Variants in CNTNAP2 observed in about 807,000 individuals in gnomAD.
CNTNAP2 encodes contactin associated protein 2.
Under a neutral mutation model 155.2 loss-of-function variants are expected in CNTNAP2, and 98 were observed. The observed-to-expected ratio is 0.63, with a 90% CI of 0.54 to 0.75. The LOEUF (loss-of-function observed/expected upper bound fraction) is 0.75, where lower values mean the gene tolerates loss of function less well. Ranked by LOEUF, CNTNAP2 falls within the 30% of genes least tolerant of loss-of-function variation. The probability of loss-of-function intolerance (pLI) is 0.00; values close to 1 mark genes in which losing one functional copy is unlikely to be tolerated. For synonymous variants in CNTNAP2, 651 were observed against 631.2 expected (o/e 1.03, Z -0.47); for missense variants, 1,727 against 1,688.1 (o/e 1.02, Z -0.40).
intron 1 of CNTNAP2, among the ~76,000 whole-genome samples, chr7:146,688,325 A>T (rs1336478751): frequency 2.6e-5 from 4 of 152,126 alleles, no homozygotes; most frequent in Admixed American, 2.6e-4. Context: ...TCATCATGTT[A>T]TCACATACTG....
chr7:148,101,495 T>G (rs1182869349), intron 15 of CNTNAP2, among the ~76,000 whole-genome samples: 5 of 151,950 alleles, frequency 3.3e-5, no homozygotes, highest in African/African-American at 1.2e-4. Flanking sequence ...CACTTGAAAT[T>G]TATTCCCCTG....
chr7:148,161,833 G>A (rs1805550099), intron 17 of CNTNAP2, among the ~76,000 whole-genome samples: 1 of 152,170 alleles, frequency 6.6e-6, no homozygotes, highest in African/African-American at 2.4e-5. Flanking sequence ...AAACACTCCA[G>A]TCTTCTGTTT....
chr7:146,513,457 G>C (rs989107058), intron 1 of CNTNAP2, among the ~76,000 whole-genome samples: 1 of 151,686 alleles, frequency 6.6e-6, no homozygotes, highest in East Asian at 1.9e-4. Flanking sequence ...TTTATTTTGT[G>C]TGTCTCTTAT....
intron 1 of CNTNAP2, among the ~76,000 whole-genome samples, chr7:146,202,162 T>C (rs1216457862): frequency 6.6e-6 from 1 of 152,134 alleles, no homozygotes; most frequent in Non-Finnish European, 1.5e-5. Context: ...TGCCACCTTT[T>C]TGAGTTGCCA....
At position 148,416,869 on chromosome 7, in the gene CNTNAP2, A is replaced by G. The variant is rs1294327842; in HGVS notation, c.*1253A>G. On this transcript the variant is annotated 3_prime_UTR_variant, in exon 24 of 24. Coordinates refer to ENST00000361727, the MANE Select transcript of CNTNAP2 (RefSeq NM_014141.6). ...CCTGTTGCTTCCCAGAGGATGGAGA[A>G]GTGTAGTTAATCACACCTCTTAGTT... 6.6e-6 allele frequency: 1 copy of G among 152,526 alleles called. No individual in the cohort carries two copies. The allele number at this position is 152,526 out of a possible 1,614,324, so 9.4% of individuals were successfully genotyped here.
rs935914050 is a variant in CNTNAP2, at chr7:147,947,653, C to T, written c.2256-30209C>T. On this transcript the variant is annotated intron_variant, in intron 14 of 23. Coordinates refer to ENST00000361727, the MANE Select transcript of CNTNAP2 (RefSeq NM_014141.6). Reference sequence around the variant, plus strand: ...CTCTAAAAAAACAAAAAATAAAATTCCAGCAAGAGTAGCTCCCAATGCTTC... The same window carrying T: ...CTCTAAAAAAACAAAAAATAAAATTTCAGCAAGAGTAGCTCCCAATGCTTC... Among the ~76,000 whole-genome samples the T allele has an allele frequency of 4.0e-5, 6 of 151,754 alleles. 1 individual carries two copies. The highest frequency in any genetic ancestry group is 3.9e-4 in the Admixed American group (6 of 15,194).
chr7:147,170,737 G>T (rs973871444), intron 8 of CNTNAP2, among the ~76,000 whole-genome samples: 1 of 152,132 alleles, frequency 6.6e-6, no homozygotes, highest in African/African-American at 2.4e-5. Flanking sequence ...CTAAGGGGCC[G>T]CAGGCTGCCA....
intron 1 of CNTNAP2, among the ~76,000 whole-genome samples, chr7:146,446,696 T>C (rs1796407422): frequency 6.6e-6 from 1 of 152,102 alleles, no homozygotes; most frequent in South Asian, 2.1e-4. Flanking sequence ...CTCTGAATAT[T>C]TAGCATTGCA....
intron 1 of CNTNAP2, among the ~76,000 whole-genome samples, chr7:146,483,058 T>G (rs370773775): frequency 6.6e-6 from 1 of 150,780 alleles, no homozygotes; most frequent in African/African-American, 2.4e-5. Context: ...AGGCGGATCA[T>G]GAGGTCAGGA....
At chr7:148,173,607 A>G (rs1393833693) in intron 18 of CNTNAP2, among the ~76,000 whole-genome samples, 1 of 152,238 alleles carries the variant, frequency 6.6e-6, no homozygotes, top group Non-Finnish European at 1.5e-5. Context: ...AGACAACAAC[A>G]AAGGTGGAAA....
intron 21 of CNTNAP2, among the ~76,000 whole-genome samples, chr7:148,268,803 A>G (rs1796722724): frequency 6.6e-6 from 1 of 152,158 alleles, no homozygotes; most frequent in African/African-American, 2.4e-5. Flanking sequence ...TTTTTAGATG[A>G]GAAAACTGAA....
chr7:147,725,208 C>G (rs1361378746), intron 13 of CNTNAP2, among the ~76,000 whole-genome samples: 1 of 149,700 alleles, frequency 6.7e-6, no homozygotes, highest in African/African-American at 2.5e-5. Context: ...AATTATTATC[C>G]ATTTTGTACT....
chr7:148,410,590 C>T (rs568896124), intron 23 of CNTNAP2, among the ~76,000 whole-genome samples: 2 of 120,690 alleles, frequency 1.7e-5, no homozygotes, highest in South Asian at 5.2e-4. Context: ...AAAAAAAATA[C>T]GAAAAGGGAA....
chr7:146,391,807 C>T (rs1246730885), intron 1 of CNTNAP2, among the ~76,000 whole-genome samples: 1 of 151,918 alleles, frequency 6.6e-6, no homozygotes, highest in African/African-American at 2.4e-5. Flanking sequence ...TGGACACATA[C>T]AGGAGAACAA....
At chr7:146,989,021 C>T (rs1216788719) in intron 3 of CNTNAP2, among the ~76,000 whole-genome samples, 1 of 152,168 alleles carries the variant, frequency 6.6e-6, no homozygotes, top group Non-Finnish European at 1.5e-5. Flanking sequence ...TTCTTACACA[C>T]CTGTTCTTCT....
At chr7:146,161,081 A>C (rs1428840414) in intron 1 of CNTNAP2, among the ~76,000 whole-genome samples, 1 of 152,222 alleles carries the variant, frequency 6.6e-6, no homozygotes, top group African/African-American at 2.4e-5. Flanking sequence ...CCATCGTATA[A>C]ACGGAACTAA....
chr7:146,885,971 G>GTA (rs1241956522), intron 3 of CNTNAP2, among the ~76,000 whole-genome samples: 2 of 118,238 alleles, frequency 1.7e-5, no homozygotes, highest in African/African-American at 6.8e-5. Context: ...GTGTGTGTGT[G>GTA]TGTATGTGCT....
chr7:147,696,386 G>T (rs1796161397), intron 13 of CNTNAP2, among the ~76,000 whole-genome samples: 1 of 152,000 alleles, frequency 6.6e-6, no homozygotes, highest in Non-Finnish European at 1.5e-5. Flanking sequence ...CCTAGGGTTT[G>T]CAATAAATAT....
chr7:148,276,839 C>A lies in CNTNAP2; in HGVS notation c.3475+9713C>A, dbSNP rs138247355. The stretch of plus-strand genomic sequence containing the variant: ...AAATTGGAGGTTGCCATGGTTATCA[C>A]AGAATTGCACATTGTAATGCACAAA... On this transcript the variant is annotated intron_variant, in intron 21 of 23. Transcript: ENST00000361727. 2.3e-3 allele frequency among the ~76,000 whole-genome samples: 355 copies of A among 152,346 alleles called. 3 individuals are homozygous for A. Among genetic ancestry groups the A allele is most frequent in the African/African-American group, 7.5e-3 (313 of 41,578 alleles).
Sources: gnomAD v4.1 joint callset for allele counts (sites outside exome capture counted in the v4.1 genomes callset) on GRCh38, gnomAD v4.1.1 for gene constraint, MANE v1.5 for transcripts, NCBI Gene and HGNC (gene_info 2026-07-23, HGNC 2026-07-21) for gene names.